The following CTNNA3 variants were observed in gnomAD, a reference collection of about 807,000 sequenced individuals.
CTNNA3 encodes the protein catenin alpha 3.
In CTNNA3, 76 loss-of-function variants were observed where a neutral mutation model predicts 95.7. The ratio of observed to expected loss-of-function variants is 0.79; its 90% CI spans 0.66 to 0.96. The LOEUF (loss-of-function observed/expected upper bound fraction) is 0.96. Ranked by LOEUF, CTNNA3 falls within the 40% of genes least tolerant of loss-of-function variation. The pLI is 0.00. For missense variants in CTNNA3, 1,191 were observed against 1,089.8 expected (o/e 1.09, Z -1.31); for synonymous variants, 431 against 374.4 (o/e 1.15, Z -1.74).
At chr10:67,729,242 T>C (rs944768351) in intron 1 of CTNNA3, among the ~76,000 whole-genome samples, 16 of 152,126 alleles carry the variant, frequency 1.1e-4, no homozygotes, top group African/African-American at 3.6e-4. Flanking sequence ...AGCCTGTTCA[T>C]AGGAGAATCT....
rs553659014 is a variant in CTNNA3 at position 65,954,626 on chromosome 10, C to T, written c.2400+11986G>A. Among the ~76,000 whole-genome samples the T allele has an allele frequency of 7.5e-4, 114 of 152,234 alleles. 1 individual carries two copies. Among genetic ancestry groups the T allele is most frequent in the African/African-American group, 2.5e-3 (105 of 41,550 alleles). On this transcript the variant is annotated intron_variant, in intron 17 of 17. Coordinates refer to ENST00000433211, the MANE Select transcript of CTNNA3 (RefSeq NM_013266.4). ...ATATAACTAGCCAGTTTTCCCAGCA[C>T]CATTTATTAAATAGGGAATCATTTC...
At chr10:65,998,748 A>G in intron 15 of CTNNA3, among the ~76,000 whole-genome samples, 1 of 152,118 alleles carries the variant, frequency 6.6e-6, no homozygotes, top group East Asian at 1.9e-4. Flanking sequence ...GAGAATAGAC[A>G]CCCTAATATT....
chr10:66,793,391 C>T (rs1841055410), intron 7 of CTNNA3, among the ~76,000 whole-genome samples: 1 of 152,108 alleles, frequency 6.6e-6, no homozygotes, highest in Non-Finnish European at 1.5e-5. Flanking sequence ...GATCTGCCCA[C>T]CTCGGCCTCC....
At chr10:66,069,160 G>C (rs2080375259) in intron 15 of CTNNA3, 148 bp downstream of exon 15, 1 of 705,000 alleles carries the variant, frequency 1.4e-6, no homozygotes. Context: ...CTCTAGAATT[G>C]TACACCTACA....
chr10:67,529,700 G>GA (rs1293410647), intron 4 of CTNNA3, among the ~76,000 whole-genome samples: 4 of 150,812 alleles, frequency 2.7e-5, no homozygotes, highest in African/African-American at 2.4e-5. Context: ...ATATACGTTT[G>GA]AAAAAAAAAT....
chr10:66,545,191 C>T (rs1163250701), intron 10 of CTNNA3, among the ~76,000 whole-genome samples: 1 of 151,724 alleles, frequency 6.6e-6, no homozygotes, highest in African/African-American at 2.4e-5. Context: ...TAACCAATAC[C>T]CAAGTTGTGG....
chr10:66,327,862 T>A (rs573615654), intron 12 of CTNNA3, among the ~76,000 whole-genome samples: 3 of 152,224 alleles, frequency 2.0e-5, no homozygotes, highest in African/African-American at 7.2e-5. Context: ...CATTTTATTA[T>A]GTCACCTTGC....
At chr10:67,143,250 T>G (rs1352215011) in intron 7 of CTNNA3, among the ~76,000 whole-genome samples, 1 of 151,552 alleles carries the variant, frequency 6.6e-6, no homozygotes, top group Non-Finnish European at 1.5e-5. Flanking sequence ...AAACCAGCCT[T>G]GCCAACATGG....
At chr10:67,004,654 C>G (rs927154318) in intron 7 of CTNNA3, among the ~76,000 whole-genome samples, 5 of 152,106 alleles carry the variant, frequency 3.3e-5, no homozygotes, top group Admixed American at 2.0e-4. Flanking sequence ...ATGGCATTGG[C>G]AAGTAGTTGA....
chr10:66,200,353 C>T (rs150114910), intron 13 of CTNNA3, among the ~76,000 whole-genome samples: 1 of 152,092 alleles, frequency 6.6e-6, no homozygotes, highest in African/African-American at 2.4e-5. Context: ...GAAAAAAGAC[C>T]ACCAAGGTCA....
At chr10:67,509,033 C>T (rs558673487) in intron 5 of CTNNA3, among the ~76,000 whole-genome samples, 4 of 151,990 alleles carry the variant, frequency 2.6e-5, no homozygotes, top group East Asian at 1.9e-4. Flanking sequence ...CCTGCCACCA[C>T]GCCTGCTAAT....
intron 1 of CTNNA3, among the ~76,000 whole-genome samples, chr10:67,656,472 A>G (rs1482610187): frequency 1.3e-5 from 2 of 152,160 alleles, no homozygotes; most frequent in African/African-American, 2.4e-5. Context: ...TTTACTGACT[A>G]TCTACTCTGT....
intron 15 of CTNNA3, among the ~76,000 whole-genome samples, chr10:66,036,371 T>C (rs1224987934): frequency 1.3e-5 from 2 of 152,050 alleles, no homozygotes; most frequent in African/African-American, 2.4e-5. Flanking sequence ...TTTTTTTGTT[T>C]TTGTTTTTGT....
intron 13 of CTNNA3, among the ~76,000 whole-genome samples, chr10:66,272,436 G>A (rs1445570055): frequency 6.6e-6 from 1 of 152,142 alleles, no homozygotes; most frequent in Non-Finnish European, 1.5e-5. Context: ...GCATGAAGGG[G>A]AGAAGCGCAC....
At chr10:66,184,573 C>T (rs982728935) in intron 13 of CTNNA3, among the ~76,000 whole-genome samples, 4 of 152,230 alleles carry the variant, frequency 2.6e-5, no homozygotes, top group Admixed American at 6.5e-5. Context: ...TGTTTTGCAA[C>T]GTTAACTCTA....
chr10:67,568,665 G>C (rs1461009222), intron 3 of CTNNA3, among the ~76,000 whole-genome samples: 1 of 151,958 alleles, frequency 6.6e-6, no homozygotes, highest in Non-Finnish European at 1.5e-5. Context: ...AAGAGCTTTT[G>C]AAACTCAGCT....
intron 10 of CTNNA3, among the ~76,000 whole-genome samples, chr10:66,560,102 T>C (rs1842507405): frequency 6.6e-6 from 1 of 152,108 alleles, no homozygotes; most frequent in African/African-American, 2.4e-5. Flanking sequence ...TTTTCATCTT[T>C]GTTAAAAGTG....
chr10:67,328,482 GC>G (rs958633402), intron 5 of CTNNA3, among the ~76,000 whole-genome samples: 23 of 152,338 alleles, frequency 1.5e-4, no homozygotes, highest in African/African-American at 5.3e-4. Context: ...GCTGGCTGCT[GC>G]CCCTAACCCT....
intron 7 of CTNNA3, among the ~76,000 whole-genome samples, chr10:66,897,523 C>T (rs1845548645): frequency 6.6e-6 from 1 of 151,914 alleles, no homozygotes; most frequent in Non-Finnish European, 1.5e-5. Context: ...GGTAGTTTAA[C>T]CAACAACAAA....
Sources: gnomAD v4.1 joint callset for allele counts (sites outside exome capture counted in the v4.1 genomes callset) on GRCh38, gnomAD v4.1.1 for gene constraint, MANE v1.5 for transcripts, NCBI Gene and HGNC (gene_info 2026-07-23, HGNC 2026-07-21) for gene names.